Variants in EDAR observed in about 807,000 individuals in gnomAD.
The protein encoded by EDAR is ectodysplasin A receptor, also known as tumor necrosis factor receptor superfamily member EDAR.
A neutral mutation model predicts 51.3 loss-of-function variants in EDAR; 38 were observed. The ratio of observed to expected loss-of-function variants is 0.74; its 90% CI spans 0.57 to 0.97. The LOEUF (loss-of-function observed/expected upper bound fraction) is 0.97. Among genes scored for constraint, EDAR ranks in the 50% least tolerant of loss-of-function variants. The pLI is 0.00. For synonymous variants in EDAR, 227 were observed against 242.1 expected (o/e 0.94, Z 0.58); for missense variants, 528 against 595.0 (o/e 0.89, Z 1.17).
At chr2:108,901,701 A>G (rs1415875483) in intron 11 of EDAR, among the ~76,000 whole-genome samples, 1 of 152,246 alleles carries the variant, frequency 6.6e-6, no homozygotes, top group African/African-American at 2.4e-5. Context: ...TTGATAACTT[A>G]GATGAAAATA....
At chr2:108,960,000 AGTCAAT>A (rs1435695033) in intron 1 of EDAR, among the ~76,000 whole-genome samples, 4 of 152,164 alleles carry the variant, frequency 2.6e-5, no homozygotes, top group Non-Finnish European at 5.9e-5. Context: ...GCAGCCACTC[AGTCAAT>A]GTCATGATGC....
At chr2:108,901,859 T>C (rs1696706114) in intron 11 of EDAR, among the ~76,000 whole-genome samples, 1 of 152,214 alleles carries the variant, frequency 6.6e-6, no homozygotes, top group Non-Finnish European at 1.5e-5. Flanking sequence ...ATCCCAGCAC[T>C]TTGGGAGGCC....
At chr2:108,917,763 AC>A (rs1211638128) in intron 5 of EDAR, among the ~76,000 whole-genome samples, 1 of 152,016 alleles carries the variant, frequency 6.6e-6, no homozygotes, top group African/African-American at 2.4e-5. Context: ...CACTGTCACT[AC>A]ACATATAACC....
intron 1 of EDAR, among the ~76,000 whole-genome samples, chr2:108,987,545 C>G (rs1191882540): frequency 6.6e-6 from 1 of 152,218 alleles, no homozygotes; most frequent in Non-Finnish European, 1.5e-5. Flanking sequence ...AAGCAAGAAA[C>G]CAGGTAGTGG....
At chr2:108,945,719 C>T (rs1697702783) in intron 1 of EDAR, among the ~76,000 whole-genome samples, 2 of 152,310 alleles carry the variant, frequency 1.3e-5, no homozygotes, top group East Asian at 3.9e-4. Context: ...TGGAATATTA[C>T]TCAGCCTTAA....
intron 1 of EDAR, among the ~76,000 whole-genome samples, chr2:108,949,026 G>GTACCACTCC (rs1697771652): frequency 6.6e-6 from 1 of 152,188 alleles, no homozygotes; most frequent in African/African-American, 2.4e-5. Context: ...ACCCAGGCTG[G>GTACCACTCC]AGTGCAGTGG....
chr2:108,910,651 C>G (rs1225526424), intron 8 of EDAR, 119 bp from the exon 9 acceptor site: 5 of 1,413,132 alleles, frequency 3.5e-6, no homozygotes, highest in African/African-American at 2.8e-5. Context: ...TGGCACCACC[C>G]CACGGTAAGC....
intron 1 of EDAR, among the ~76,000 whole-genome samples, chr2:108,933,571 G>A (rs1697410830): frequency 6.6e-6 from 1 of 152,168 alleles, no homozygotes; most frequent in African/African-American, 2.4e-5. Context: ...GGAAGGAAGA[G>A]TTCTGTTTCC....
At chr2:108,927,747 C>T (rs552728260) in intron 4 of EDAR, among the ~76,000 whole-genome samples, 1 of 152,248 alleles carries the variant, frequency 6.6e-6, no homozygotes, top group South Asian at 2.1e-4. Flanking sequence ...CTATCTAGGT[C>T]TGGATGTCCC....
intron 11 of EDAR, among the ~76,000 whole-genome samples, chr2:108,900,183 G>A (rs1256115794): frequency 6.6e-6 from 1 of 152,188 alleles, no homozygotes; most frequent in Non-Finnish European, 1.5e-5. Flanking sequence ...ATGAAAAACA[G>A]AGACAACAAA....
At chr2:108,911,742 G>T (rs1421558640) in intron 6 of EDAR, among the ~76,000 whole-genome samples, 1 of 152,086 alleles carries the variant, frequency 6.6e-6, no homozygotes, top group Non-Finnish European at 1.5e-5. Context: ...CTTGAACTAA[G>T]ATCCAGATTT....
chr2:108,935,774 G>A (rs1012183608), intron 1 of EDAR, among the ~76,000 whole-genome samples: 2 of 152,206 alleles, frequency 1.3e-5, no homozygotes, highest in Admixed American at 1.3e-4. Context: ...CCTAAGGACG[G>A]TGCCAGACAG....
At chr2:108,909,744 C>T (rs1317735208) in intron 9 of EDAR, among the ~76,000 whole-genome samples, 3 of 152,232 alleles carry the variant, frequency 2.0e-5, no homozygotes, top group Non-Finnish European at 4.4e-5. Flanking sequence ...CCTCTACCCT[C>T]GATTTTAGAG....
At chr2:108,965,761 G>T (rs368233304) in intron 1 of EDAR, among the ~76,000 whole-genome samples, 8 of 152,016 alleles carry the variant, frequency 5.3e-5, no homozygotes, top group African/African-American at 1.9e-4. Flanking sequence ...ATGTGGTGGT[G>T]GGGGGCTGGG....
intron 1 of EDAR, among the ~76,000 whole-genome samples, chr2:108,946,790 CCA>C (rs1697721525): frequency 6.6e-6 from 1 of 152,162 alleles, no homozygotes; most frequent in Non-Finnish European, 1.5e-5. Context: ...CAATCACCTC[CCA>C]CCATGTTTCT....
Position 108,988,646 on chromosome 2 carries a change from G to T in EDAR, c.-19+314C>A, listed in dbSNP as rs150819108. On this transcript the variant is annotated intron_variant, in intron 1 of 11. Transcript: ENST00000258443. Reference sequence around the variant, plus strand: ...CAAACCTGAGAAACATACTTTTCACGCTCCCTGGAGGAACCCGTTGCTTCA... The same window carrying T: ...CAAACCTGAGAAACATACTTTTCACTCTCCCTGGAGGAACCCGTTGCTTCA... 3.3e-3 allele frequency among the ~76,000 whole-genome samples: 497 copies of T among 152,240 alleles called. 2 individuals carry two copies. The highest frequency in any genetic ancestry group is 0.011 in the African/African-American group (462 of 41,558).
intron 1 of EDAR, among the ~76,000 whole-genome samples, chr2:108,975,010 A>G (rs1698297798): frequency 6.6e-6 from 1 of 152,200 alleles, no homozygotes; most frequent in African/African-American, 2.4e-5. Flanking sequence ...AAGTCCCCTC[A>G]GCAAGCACTG....
chr2:108,896,355 C>G lies in EDAR; in HGVS notation c.*552G>C. ...TGTCTGCATTTTGTTGCCATTTTAT[C>G]AAAATGTTTGAGCTGCTTCTTCACT... On this transcript the variant is annotated 3_prime_UTR_variant, in exon 12 of 12. Coordinates refer to ENST00000258443, the MANE Select transcript of EDAR (RefSeq NM_022336.4). 6.5e-6 allele frequency: 1 copy of G among 154,016 alleles called. No homozygotes were observed. The highest frequency in any genetic ancestry group is 1.9e-4 in the East Asian group (1 of 5,224). 9.5% of individuals were successfully genotyped at this position (154,016 alleles called of 1,614,324 possible).
intron 1 of EDAR, among the ~76,000 whole-genome samples, chr2:108,988,663 G>A (rs557851595): frequency 1.3e-5 from 2 of 152,244 alleles, no homozygotes; most frequent in South Asian, 2.1e-4. Context: ...GGAGGAACCC[G>A]TTGCTTCAGT....
Sources: gnomAD v4.1 joint callset for allele counts (sites outside exome capture counted in the v4.1 genomes callset) on GRCh38, gnomAD v4.1.1 for gene constraint, MANE v1.5 for transcripts, NCBI Gene and HGNC (gene_info 2026-07-23, HGNC 2026-07-21) for gene names.